Variants in TRPM4 observed in about 807,000 individuals in gnomAD.
TRPM4 encodes transient receptor potential cation channel subfamily M member 4, also known as calcium-activated non-selective cation channel 1.
Under a neutral mutation model 135.6 loss-of-function variants are expected in TRPM4, and 124 were observed. The observed-to-expected ratio is 0.91, with a 90% CI of 0.79 to 1.06. The LOEUF (loss-of-function observed/expected upper bound fraction) is 1.06, where lower values mean the gene tolerates loss of function less well. Ranked by LOEUF, TRPM4 falls within the 50% of genes least tolerant of loss-of-function variation. The probability of loss-of-function intolerance (pLI) is 0.00; values close to 1 mark genes in which losing one functional copy is unlikely to be tolerated. For synonymous variants in TRPM4, 745 were observed against 705.6 expected (o/e 1.06, Z -0.88); for missense variants, 1,658 against 1,671.4 (o/e 0.99, Z 0.14).
Position 49,169,341 on chromosome 19 carries a change from G to A in TRPM4, c.796+605G>A, listed in dbSNP as rs951277621. 5.5e-5 allele frequency among the ~76,000 whole-genome samples: 8 copies of A among 146,126 alleles called. No individual in the cohort carries two copies. The South Asian group carries it at 9.6e-4, about 18-fold the overall frequency. ...GGCTGGAGTGCAGTGGCGCGATCTC[G>A]GCTCACTGCAGCCTCTGCCTCCTGG... is the stretch of plus-strand genomic sequence containing the variant. On this transcript the variant is annotated intron_variant, in intron 6 of 24. Coordinates refer to ENST00000252826, the MANE Select transcript of TRPM4 (RefSeq NM_017636.4).
At position 49,180,428 on chromosome 19, in the gene TRPM4, CTGTGTGTGTGTGTGTGTG is replaced by C. The variant is rs71919979; in HGVS notation, c.1151-889_1151-872del. On this transcript the variant is annotated intron_variant, in intron 9 of 24. Transcript: ENST00000252826. Reference sequence around the variant, plus strand: ...AGTGACTCACGTTTGTCATCATCTGCTGTGTGTGTGTGTGTGTGTGTGTGTGTGTGTGTGTGTGTGTGT... The same window carrying C: ...AGTGACTCACGTTTGTCATCATCTGCTGTGTGTGTGTGTGTGTGTGTGTGT... Among the ~76,000 whole-genome samples, 189 of 131,326 alleles carry C rather than the reference CTGTGTGTGTGTGTGTGTG, an allele frequency of 1.4e-3. 1 individual carries two copies. The highest frequency in any genetic ancestry group is 4.6e-3 in the African/African-American group (160 of 34,798). 86.2% of individuals were successfully genotyped at this position (131,326 alleles called of 152,430 possible).
chr19:49,208,173 C>T (rs1489037831), intron 20 of TRPM4, among the ~76,000 whole-genome samples: 1 of 152,114 alleles, frequency 6.6e-6, no homozygotes, highest in African/African-American at 2.4e-5. Flanking sequence ...GAGGGCAGAG[C>T]CAGCTGTACA....
intron 3 of TRPM4, among the ~76,000 whole-genome samples, chr19:49,167,491 C>A (rs1433788202): frequency 3.3e-3 from 397 of 121,520 alleles, no homozygotes; most frequent in African/African-American, 0.014. Context: ...CTCTGTCCCT[C>A]TCTCTCTGGG....
intron 13 of TRPM4, 53 bp downstream of exon 13, chr19:49,188,823 G>T (rs1360427524): frequency 6.2e-7 from 1 of 1,612,888 alleles, no homozygotes; most frequent in African/African-American, 1.3e-5. Flanking sequence ...GCCAGAGGGG[G>T]ATGTGCAACT....
Position 49,171,940 on chromosome 19 carries a change from C to A in TRPM4, c.1051-69C>A, listed in dbSNP as rs979564430. 1 of 1,460,926 alleles carries A rather than the reference C, an allele frequency of 6.8e-7. No individual in the cohort carries two copies. The highest frequency in any genetic ancestry group is 9.6e-7 in the Non-Finnish European group (1 of 1,041,384). The allele number at this position is 1,460,926 out of a possible 1,614,324, so 90.5% of individuals were successfully genotyped here. On this transcript the variant is annotated intron_variant, in intron 8 of 24. Coordinates refer to ENST00000252826, the MANE Select transcript of TRPM4 (RefSeq NM_017636.4). This position sits in a 1 kb window ranked among gnomAD's most constrained non-coding sequence, Gnocchi z 4.7. The stretch of plus-strand genomic sequence containing the variant: ...TGGAGGGGAATGGCCTCCTCCATCC[C>A]TTTGGACAGGGCCCAACAGGAGTTG...
chr19:49,206,325 A>G (rs1969149777), intron 20 of TRPM4, among the ~76,000 whole-genome samples: 1 of 151,304 alleles, frequency 6.6e-6, no homozygotes, highest in Non-Finnish European at 1.5e-5. Flanking sequence ...CTCCTTTGTT[A>G]TTTTTCAAGA....
intron 9 of TRPM4, among the ~76,000 whole-genome samples, chr19:49,178,059 G>A (rs150128102): frequency 6.6e-6 from 1 of 152,270 alleles, no homozygotes; most frequent in East Asian, 1.9e-4. Flanking sequence ...GGCCAAGCGT[G>A]AAGGCTCATG....
At chr19:49,195,432 G>A (rs1968593317) in intron 16 of TRPM4, among the ~76,000 whole-genome samples, 1 of 152,052 alleles carries the variant, frequency 6.6e-6, no homozygotes, top group East Asian at 1.9e-4. Flanking sequence ...AGTCAATGGC[G>A]CGACCTCAGT....
intron 6 of TRPM4, among the ~76,000 whole-genome samples, chr19:49,168,944 G>T (rs1430420224): frequency 6.6e-6 from 1 of 151,874 alleles, no homozygotes; most frequent in African/African-American, 2.4e-5. Context: ...GGCCGAGGTA[G>T]GAGGATTGCT....
chr19:49,166,135 AGC>A lies in TRPM4; in HGVS notation c.189_190del (p.Ser63ArgfsTer32). Reference sequence around the variant, plus strand: ...GGCAGCCGTGGTGACCGTGTGGGACAGCGATGCACACACCACGGAGAAGCCCA... The same window carrying A: ...GGCAGCCGTGGTGACCGTGTGGGACAGATGCACACACCACGGAGAAGCCCA... ...FGAAVVTVWD[S>X]DAHTTEKPTD... On this transcript the variant is annotated frameshift_variant, in exon 3 of 25. Transcript: ENST00000252826. LOFTEE classifies it high-confidence loss of function. 1 of 1,607,590 alleles carries A rather than the reference AGC, an allele frequency of 6.2e-7. No homozygotes were observed. Among genetic ancestry groups the A allele is most frequent in the Non-Finnish European group, 8.5e-7 (1 of 1,177,946 alleles).
rs1177355368 is a variant in TRPM4 at position 49,188,760 on chromosome 19, G to C, written c.1863G>C (p.Gly621=). 8 of 1,614,052 alleles carry C rather than the reference G, an allele frequency of 5.0e-6. No homozygotes were observed. ...AAGACCTGGCGTTCAAGTTTGAGGG[G>C]ATGGGCGTTGGTGCGTGGGGCACGG... ...RRKDLAFKFE[G]MGVDLFGECY... Residue 621 remains glycine (G), a synonymous_variant, in exon 13 of 25, where the codon GGG becomes GGC. Coordinates refer to ENST00000252826, the MANE Select transcript of TRPM4 (RefSeq NM_017636.4).
In TRPM4 at chr19:49,211,367, C is replaced by T; in HGVS notation, c.3640+98C>T. 1.9e-6 allele frequency: 3 copies of T among 1,578,678 alleles called. No individual in the cohort carries two copies. The Admixed American group carries it at 5.0e-5, about 26-fold the overall frequency. On this transcript the variant is annotated intron_variant, in intron 24 of 24. Coordinates refer to ENST00000252826, the MANE Select transcript of TRPM4 (RefSeq NM_017636.4). The surrounding 1 kb of genome is among the most constrained non-coding windows in gnomAD (Gnocchi z 4.8). ...ACCTTTCCAGTGTCCCTGGGTCACT[C>T]TCTTGGTCTCCTTTGAGCCTTTTGT...
rs1196739394 is a variant in TRPM4, at chr19:49,196,455, C to A, written c.2226C>A (p.Ala742=). 2.6e-6 allele frequency: 4 copies of A among 1,546,758 alleles called. No individual in the cohort carries two copies. The highest frequency in any genetic ancestry group is 1.2e-5 in the South Asian group (1 of 83,082). ...TCCCCCACAGGACGGCGGACCCAGC[C>A]GAGAAGACGCCGCTGGGGGTCCCGC... ...GEGPVGTADP[A]EKTPLGVPRQ... The change falls in exon 17 of 25, where the codon GCC becomes GCA. Residue 742 remains alanine (A), a synonymous_variant. Transcript: ENST00000252826.
intron 20 of TRPM4, among the ~76,000 whole-genome samples, chr19:49,208,305 G>A (rs1307476463): frequency 0.067 from 4 of 60 alleles, no homozygotes; most frequent in South Asian, 0.5. Flanking sequence ...ACAAGAGGTG[G>A]TGGAGCAGTC....
intron 2 of TRPM4, among the ~76,000 whole-genome samples, chr19:49,164,682 T>TCTTGCTTG (rs113888558): frequency 0.016 from 2,315 of 144,640 alleles, 42 homozygotes; most frequent in Middle Eastern, 0.027. Flanking sequence ...GCGCCCGGCC[T>TCTTGCTTG]CTTGCTTGCT....
At chr19:49,190,622 T>G in intron 15 of TRPM4, 74 bp from the exon 16 acceptor site, 1 of 1,484,610 alleles carries the variant, frequency 6.7e-7, no homozygotes, top group Non-Finnish European at 9.4e-7. Context: ...GTGAAGAAGT[T>G]TGAGTTTTGC....
At chr19:49,206,092 C>A (rs1969139876) in intron 20 of TRPM4, among the ~76,000 whole-genome samples, 2 of 152,138 alleles carry the variant, frequency 1.3e-5, no homozygotes, top group African/African-American at 4.8e-5. Context: ...TCCTGAGTAG[C>A]TGGGATTACA....
Position 49,182,798 on chromosome 19 carries a change from C to T in TRPM4, c.1484C>T (p.Ala495Val), listed in dbSNP as rs756114804. Residue 495 changes from alanine to valine, a missense_variant, in exon 11 of 25, where the codon GCT becomes GTT. By Grantham distance (64) the Ala-to-Val change is moderately conservative. This residue lies in a region of TRPM4 where 1,412 missense variants were observed against 1,408.7 expected (regional missense o/e 1.00). Coordinates refer to ENST00000252826, the MANE Select transcript of TRPM4 (RefSeq NM_017636.4). Reference protein sequence around the residue: ...GTKAPALKGGAAELRPPDVGH... With the variant: ...GTKAPALKGGVAELRPPDVGH... ...AAAGCCCCAGCCCTAAAAGGGGGAG[C>T]TGCGGAGCTCCGGCCCCCTGACGTG... 3 of 1,577,662 alleles carry T rather than the reference C, an allele frequency of 1.9e-6. No individual in the cohort carries two copies. Among genetic ancestry groups the T allele is most frequent in the East Asian group, 2.2e-5 (1 of 44,874 alleles).
At chr19:49,185,336 C>T (rs965922375) in intron 12 of TRPM4, among the ~76,000 whole-genome samples, 3 of 152,170 alleles carry the variant, frequency 2.0e-5, no homozygotes, top group Non-Finnish European at 4.4e-5. Context: ...GCAACCTTGA[C>T]TTCTTGGACT....
Sources: allele counts gnomAD v4.1 joint callset (sites outside exome capture counted in the v4.1 genomes callset), GRCh38; gene constraint gnomAD v4.1.1; regional missense constraint gnomAD v4.1.1; non-coding constraint Gnocchi (gnomAD v3.1); transcripts MANE v1.5; gene names NCBI Gene and HGNC (gene_info 2026-07-23, HGNC 2026-07-21).